The following KCNMB2 variants were observed in gnomAD, a reference collection of about 807,000 sequenced individuals.
KCNMB2 encodes the protein potassium calcium-activated channel subfamily M regulatory beta subunit 2.
A neutral mutation model predicts 24.5 loss-of-function variants in KCNMB2; 9 were observed. That is an observed-to-expected ratio of 0.37 (90% confidence interval 0.22 to 0.64). The LOEUF is 0.64. KCNMB2 is among the 30% of genes least tolerant of loss of function. The pLI is 0.63. For synonymous variants in KCNMB2, 109 were observed against 104.4 expected (o/e 1.04, Z -0.27); for missense variants, 226 against 284.3 (o/e 0.79, Z 1.47).
intron 1 of KCNMB2, among the ~76,000 whole-genome samples, chr3:178,544,929 A>G (rs959279658): frequency 1.1e-4 from 16 of 152,204 alleles, no homozygotes; most frequent in Admixed American, 9.8e-4. Context: ...TTTAAAAACA[A>G]CCTCTTGATT....
chr3:178,642,938 C>T (rs1306426859), intron 1 of KCNMB2, among the ~76,000 whole-genome samples: 1 of 152,158 alleles, frequency 6.6e-6, no homozygotes, highest in African/African-American at 2.4e-5. Context: ...TCAACTTTCC[C>T]CACCTGCAGA....
At chr3:178,759,450 T>TCTCTCCAAGAGG (rs2108406375) in intron 1 of KCNMB2, among the ~76,000 whole-genome samples, 2 of 73,916 alleles carry the variant, frequency 2.7e-5, no homozygotes, top group South Asian at 4.0e-4. Context: ...TATATATATA[T>TCTCTCCAAGAGG]ATATATATCT....
intron 1 of KCNMB2, among the ~76,000 whole-genome samples, chr3:178,587,876 T>C (rs1214279116): frequency 3.4e-5 from 5 of 148,722 alleles, no homozygotes; most frequent in South Asian, 2.2e-4. Context: ...CTCCTAATGC[T>C]ATCCCTCCCC....
intron 3 of KCNMB2, 93 bp downstream of exon 3, chr3:178,825,851 T>C: frequency 1.1e-6 from 1 of 896,302 alleles, no homozygotes. Flanking sequence ...TTCCTCACCT[T>C]CTTTCCTGAT....
At chr3:178,692,977 G>T (rs528940064) in intron 1 of KCNMB2, among the ~76,000 whole-genome samples, 151 of 152,186 alleles carry the variant, frequency 9.9e-4, no homozygotes, top group Non-Finnish European at 1.8e-3. Flanking sequence ...CCCTAGTTAG[G>T]TGTATTCCTA....
intron 1 of KCNMB2, among the ~76,000 whole-genome samples, chr3:178,675,685 A>G (rs1308269414): frequency 6.6e-6 from 1 of 152,204 alleles, no homozygotes; most frequent in Non-Finnish European, 1.5e-5. Flanking sequence ...TTCTCTAGAA[A>G]CTTCTAGGGG....
At chr3:178,761,837 A>G (rs1001214793) in intron 1 of KCNMB2, among the ~76,000 whole-genome samples, 1 of 152,146 alleles carries the variant, frequency 6.6e-6, no homozygotes, top group African/African-American at 2.4e-5. Flanking sequence ...AAACACACAA[A>G]GTAATTTCAG....
rs139160741 is a variant in KCNMB2, at chr3:178,834,917, G to C, written c.423+6544G>C. Among the ~76,000 whole-genome samples the C allele has an allele frequency of 2.0e-3, 300 of 151,946 alleles. 1 individual carries two copies. The highest frequency in any genetic ancestry group is 3.7e-3 in the Non-Finnish European group (254 of 67,936). On this transcript the variant is annotated intron_variant, in intron 4 of 4. Coordinates refer to ENST00000452583, the MANE Select transcript of KCNMB2 (RefSeq NM_181361.3). ...ACTGAGCATCAAGAAGAAAAGCGGG[G>C]GAAGGAACCTAGTGCTTTTCAATTG...
intron 1 of KCNMB2, among the ~76,000 whole-genome samples, chr3:178,738,438 A>T (rs577050223): frequency 6.6e-6 from 1 of 152,310 alleles, no homozygotes; most frequent in South Asian, 2.1e-4. Flanking sequence ...CTGTTTTCAG[A>T]ATACTACCAA....
chr3:178,750,173 C>T (rs1368728899), intron 1 of KCNMB2, among the ~76,000 whole-genome samples: 1 of 151,738 alleles, frequency 6.6e-6, no homozygotes, highest in Non-Finnish European at 1.5e-5. Flanking sequence ...AATCCACTTA[C>T]TCTGCCAGTA....
chr3:178,817,762 G>C (rs370249451), intron 2 of KCNMB2, among the ~76,000 whole-genome samples: 2 of 152,152 alleles, frequency 1.3e-5, no homozygotes, highest in Non-Finnish European at 2.9e-5. Flanking sequence ...GTCTGTTCTA[G>C]CCATCATTCC....
intron 1 of KCNMB2, among the ~76,000 whole-genome samples, chr3:178,653,066 A>T (rs1720191102): frequency 6.6e-6 from 1 of 152,140 alleles, no homozygotes; most frequent in South Asian, 2.1e-4. Flanking sequence ...TTAATTTAAG[A>T]ATTATTAACA....
chr3:178,687,108 T>C (rs977716990), intron 1 of KCNMB2, among the ~76,000 whole-genome samples: 2 of 152,070 alleles, frequency 1.3e-5, no homozygotes, highest in East Asian at 3.9e-4. Flanking sequence ...ACAAAGCCAT[T>C]TTGCATTTCC....
rs545390833 is a variant in KCNMB2, at chr3:178,729,924, C to T, written c.-67-77419C>T. 1.3e-4 allele frequency among the ~76,000 whole-genome samples: 20 copies of T among 152,224 alleles called. 1 individual carries two copies. In the South Asian group the frequency reaches 3.9e-3, roughly 30 times the overall value. ...TTTACTCCTCACTCAGGCTACATGCCCACTGCTGGTTGACAAAAGGCTCTC... is the reference window on the plus strand; with the variant it reads ...TTTACTCCTCACTCAGGCTACATGCTCACTGCTGGTTGACAAAAGGCTCTC... On this transcript the variant is annotated intron_variant, in intron 1 of 4. Transcript: ENST00000452583.
At chr3:178,602,342 C>G (rs1342365935) in intron 1 of KCNMB2, among the ~76,000 whole-genome samples, 1 of 151,990 alleles carries the variant, frequency 6.6e-6, no homozygotes, top group Non-Finnish European at 1.5e-5. Context: ...GGTGATTTAC[C>G]TACTATATGC....
chr3:178,753,292 G>A (rs1723911175), intron 1 of KCNMB2, among the ~76,000 whole-genome samples: 1 of 152,186 alleles, frequency 6.6e-6, no homozygotes, highest in Non-Finnish European at 1.5e-5. Flanking sequence ...TACCACGGGA[G>A]GTAGCCACGA....
intron 1 of KCNMB2, among the ~76,000 whole-genome samples, chr3:178,710,649 T>C (rs948425738): frequency 6.6e-6 from 1 of 152,152 alleles, no homozygotes; most frequent in Non-Finnish European, 1.5e-5. Flanking sequence ...TGAGTGTGTG[T>C]GCGTGTCTCT....
chr3:178,729,563 A>G (rs539635565), intron 1 of KCNMB2, among the ~76,000 whole-genome samples: 16 of 152,262 alleles, frequency 1.1e-4, no homozygotes, highest in Non-Finnish European at 1.6e-4. Flanking sequence ...TGAGATTTTC[A>G]ATTAGTCTGG....
In KCNMB2 at chr3:178,549,920, A is replaced by G. The variant is rs577217999; in HGVS notation, c.-68+13209A>G. 2.6e-5 allele frequency among the ~76,000 whole-genome samples: 4 copies of G among 152,270 alleles called. No individual in the cohort carries two copies. The South Asian group carries it at 8.3e-4, about 32-fold the overall frequency. On this transcript the variant is annotated intron_variant, in intron 1 of 4. Coordinates refer to ENST00000452583, the MANE Select transcript of KCNMB2 (RefSeq NM_181361.3). ...TTCCAAATGTAACTTATAAAAAAGT[A>G]TGCATATTTTTTTTTCTCTTCAGCT...
Sources: allele counts gnomAD v4.1 joint callset (sites outside exome capture counted in the v4.1 genomes callset), GRCh38; gene constraint gnomAD v4.1.1; transcripts MANE v1.5; gene names NCBI Gene and HGNC (gene_info 2026-07-23, HGNC 2026-07-21).